Variants in SNCAIP observed in about 807,000 individuals in gnomAD.
The protein encoded by SNCAIP is synuclein alpha interacting protein.
Under a neutral mutation model 86.7 loss-of-function variants are expected in SNCAIP, and 43 were observed. The observed-to-expected ratio is 0.50, with a 90% CI of 0.39 to 0.64. The LOEUF (loss-of-function observed/expected upper bound fraction) is 0.64, where lower values mean the gene tolerates loss of function less well. SNCAIP is among the 30% of genes least tolerant of loss of function. SNCAIP has a pLI of 0.00. For synonymous variants in SNCAIP, 417 were observed against 427.2 expected, an observed-to-expected ratio of 0.98 and a Z score of 0.29; for missense variants, 981 against 1,103.1, an observed-to-expected ratio of 0.89 and a Z score of 1.57.
chr5:122,375,032 A>G (rs2152801582), intron 1 of SNCAIP, among the ~76,000 whole-genome samples: 1 of 152,190 alleles, frequency 6.6e-6, no homozygotes, highest in African/African-American at 2.4e-5. Flanking sequence ...TTAGGGCCAA[A>G]TGAAAGCATT....
chr5:122,358,458 T>G (rs1761562833), intron 1 of SNCAIP, among the ~76,000 whole-genome samples: 2 of 150,072 alleles, frequency 1.3e-5, no homozygotes, highest in Non-Finnish European at 3.0e-5. Context: ...GTTCACCTTG[T>G]GTCCTTAGAG....
intron 3 of SNCAIP, among the ~76,000 whole-genome samples, 162 bp from the exon 4 acceptor site, chr5:122,422,706 G>A (rs1447852379): frequency 2.6e-5 from 4 of 151,892 alleles, no homozygotes; most frequent in African/African-American, 9.7e-5. Context: ...TTTTCCAATG[G>A]TAAGTATGAT....
chr5:122,403,383 C>A (rs551372999), intron 2 of SNCAIP, among the ~76,000 whole-genome samples: 4 of 152,256 alleles, frequency 2.6e-5, no homozygotes, highest in Admixed American at 1.3e-4. Flanking sequence ...TGCAGGAAGC[C>A]AGGTGCTCCC....
intron 1 of SNCAIP, among the ~76,000 whole-genome samples, chr5:122,335,591 G>T (rs1167159412): frequency 6.6e-6 from 1 of 152,178 alleles, no homozygotes; most frequent in Non-Finnish European, 1.5e-5. Flanking sequence ...CAGAATCTGT[G>T]CAGGAAGCTT....
chr5:122,425,297 CA>C, intron 4 of SNCAIP, 54 bp from the exon 5 acceptor site: 13 of 1,391,572 alleles, frequency 9.3e-6, no homozygotes, highest in Non-Finnish European at 1.3e-5. Flanking sequence ...AAAACTCCTA[CA>C]GGGTCTTGCT....
chr5:122,320,452 T>C (rs1041621006), intron 1 of SNCAIP, among the ~76,000 whole-genome samples: 3 of 152,222 alleles, frequency 2.0e-5, no homozygotes, highest in African/African-American at 7.2e-5. Flanking sequence ...ATGGTATTTA[T>C]AGCTAGCTTA....
chr5:122,337,507 CCT>C (rs1561535083), intron 1 of SNCAIP, among the ~76,000 whole-genome samples: 2 of 151,108 alleles, frequency 1.3e-5, no homozygotes, highest in East Asian at 3.9e-4. Context: ...CAATCTGTTT[CCT>C]CTGTTTTTTA....
intron 1 of SNCAIP, among the ~76,000 whole-genome samples, chr5:122,362,257 C>A (rs752602969): frequency 6.6e-6 from 1 of 152,086 alleles, no homozygotes; most frequent in Non-Finnish European, 1.5e-5. Context: ...GACAGTGAGT[C>A]CCCACCTCTT....
rs557470202 is a variant in SNCAIP, at chr5:122,403,770, C to T, written c.58-23C>T. 9 of 1,597,752 alleles carry T rather than the reference C, an allele frequency of 5.6e-6. No homozygotes were observed. The African/African-American group carries it at 1.1e-4, about 19-fold the overall frequency. ...CGCATTTTAAATTATTTTATGCCCTCTCTTCTCTGGCTTCCCGTTCAGTAT... is the reference window on the plus strand; with the variant it reads ...CGCATTTTAAATTATTTTATGCCCTTTCTTCTCTGGCTTCCCGTTCAGTAT... On this transcript the variant is annotated intron_variant, in intron 2 of 10. Transcript: ENST00000261368.
chr5:122,420,022 GAC>G (rs1776065094), intron 3 of SNCAIP, among the ~76,000 whole-genome samples: 1 of 152,142 alleles, frequency 6.6e-6, no homozygotes, highest in South Asian at 2.1e-4. Context: ...ATACATTGGA[GAC>G]TTTTAATGAA....
intron 1 of SNCAIP, among the ~76,000 whole-genome samples, chr5:122,363,276 A>C (rs1009780621): frequency 6.6e-6 from 1 of 152,146 alleles, no homozygotes; most frequent in African/African-American, 2.4e-5. Context: ...GATTACAGGC[A>C]TGAGCCACTG....
At chr5:122,349,112 T>C (rs1759255145) in intron 1 of SNCAIP, among the ~76,000 whole-genome samples, 1 of 152,196 alleles carries the variant, frequency 6.6e-6, no homozygotes, top group Non-Finnish European at 1.5e-5. Context: ...ACTCTGAATT[T>C]TCTATCACAA....
intron 1 of SNCAIP, among the ~76,000 whole-genome samples, chr5:122,355,558 C>T (rs1235710037): frequency 6.6e-6 from 1 of 152,166 alleles, no homozygotes; most frequent in Admixed American, 6.5e-5. Context: ...CCAGTGTTTC[C>T]TCTCGTTGTC....
Position 122,451,001 on chromosome 5 carries a change from C to T in SNCAIP, c.2154C>T (p.His718=), listed in dbSNP as rs765633794. Residue 718 remains histidine (H), a synonymous_variant, in exon 10 of 11, where the codon CAC becomes CAT. Coordinates refer to ENST00000261368, the MANE Select transcript of SNCAIP (RefSeq NM_005460.4). The stretch of plus-strand genomic sequence containing the variant: ...GTATGGACAGCGCAGAAAGCCTGCA[C>T]CTGATGATTAAGAAACACACCTTGG... ...VESMDSAESL[H]LMIKKHTLAS... 7 of 1,614,138 alleles carry T rather than the reference C, an allele frequency of 4.3e-6. No homozygotes were observed. The highest frequency in any genetic ancestry group is 5.1e-6 in the Non-Finnish European group (6 of 1,180,024).
rs76960592 is a variant in SNCAIP, at chr5:122,398,855, G to A, written c.58-4938G>A. The stretch of plus-strand genomic sequence containing the variant: ...TGGTCAGAGATCCCCGTAGCCCAAC[G>A]TAGAAATCACGCACTGTCATTATGA... On this transcript the variant is annotated intron_variant, in intron 2 of 10. Transcript: ENST00000261368. 8.2e-3 allele frequency among the ~76,000 whole-genome samples: 1,249 copies of A among 152,186 alleles called. 18 individuals carry two copies. The highest frequency in any genetic ancestry group is 0.028 in the African/African-American group (1,174 of 41,520).
chr5:122,378,129 T>G (rs1181527942), intron 1 of SNCAIP, among the ~76,000 whole-genome samples: 1 of 147,480 alleles, frequency 6.8e-6, no homozygotes, highest in African/African-American at 2.5e-5. Context: ...ACTTCCACAA[T>G]GGTTGAACTA....
intron 4 of SNCAIP, among the ~76,000 whole-genome samples, chr5:122,425,140 ATGT>A (rs1325678035): frequency 6.6e-6 from 1 of 152,212 alleles, no homozygotes; most frequent in Admixed American, 6.5e-5. Context: ...CCCTGTTGCC[ATGT>A]CTCGTATGAA....
At chr5:122,436,074 T>C (rs1779401513) in intron 6 of SNCAIP, among the ~76,000 whole-genome samples, 1 of 152,118 alleles carries the variant, frequency 6.6e-6, no homozygotes, top group Admixed American at 6.6e-5. Context: ...GGATGCGCAA[T>C]TGTGGATATC....
At chr5:122,447,371 A>G (rs1019825176) in intron 8 of SNCAIP, among the ~76,000 whole-genome samples, 2 of 152,184 alleles carry the variant, frequency 1.3e-5, no homozygotes, top group African/African-American at 2.4e-5. Flanking sequence ...ATCTGCCCAT[A>G]TATTTTCTTT....
Sources: allele counts gnomAD v4.1 joint callset (sites outside exome capture counted in the v4.1 genomes callset), GRCh38; gene constraint gnomAD v4.1.1; transcripts MANE v1.5; gene names NCBI Gene and HGNC (gene_info 2026-07-23, HGNC 2026-07-21).